The following GALNT14 variants were observed in gnomAD, a reference collection of about 807,000 sequenced individuals.
The protein encoded by GALNT14 is UDP-GalNAc:polypeptide N-acetylgalactosaminyltransferase 14.
GALNT14 carries 60 observed loss-of-function variants against 77.5 expected under a neutral mutation model. The observed-to-expected ratio is 0.77, with a 90% CI of 0.63 to 0.96. The LOEUF (loss-of-function observed/expected upper bound fraction) is 0.96. GALNT14 is among the 40% of genes least tolerant of loss of function. The pLI is 0.00. For missense variants in GALNT14, 710 were observed against 731.0 expected, an observed-to-expected ratio of 0.97 and a Z score of 0.33; for synonymous variants, 280 against 281.7, an observed-to-expected ratio of 0.99 and a Z score of 0.06.
At chr2:30,897,118 C>T in the GALNT14 span, among the ~76,000 whole-genome samples, 1 of 152,158 alleles carries the variant, frequency 6.6e-6, no homozygotes, top group African/African-American at 2.4e-5. Context: ...TTACCTGCCC[C>T]CCACTTTTTT....
chr2:30,960,640 C>T (rs942184180), intron 3 of GALNT14, among the ~76,000 whole-genome samples: 9 of 152,072 alleles, frequency 5.9e-5, no homozygotes, highest in Non-Finnish European at 1.2e-4. Flanking sequence ...GAGGTGGGCA[C>T]GTGCTCTGGG....
At chr2:31,076,012 A>C (rs1675757186) in intron 1 of GALNT14, among the ~76,000 whole-genome samples, 1 of 152,226 alleles carries the variant, frequency 6.6e-6, no homozygotes, top group African/African-American at 2.4e-5. Flanking sequence ...AGACTGAATG[A>C]ATCAACCTAT....
At chr2:31,021,661 A>T (rs934563753) in intron 1 of GALNT14, among the ~76,000 whole-genome samples, 2 of 152,186 alleles carry the variant, frequency 1.3e-5, no homozygotes, top group South Asian at 4.1e-4. Context: ...ATTTGCTTGC[A>T]TGCTCTCTAT....
At chr2:31,124,562 G>C (rs1678600418) in intron 1 of GALNT14, among the ~76,000 whole-genome samples, 2 of 152,180 alleles carry the variant, frequency 1.3e-5, no homozygotes. Context: ...ACCCTCCAGA[G>C]ATAATATTGC....
chr2:31,097,374 T>A (rs1310887183), intron 1 of GALNT14, among the ~76,000 whole-genome samples: 2 of 152,074 alleles, frequency 1.3e-5, no homozygotes, highest in African/African-American at 2.4e-5. Context: ...ATGTGCTTGC[T>A]CCATCCTGCA....
rs114288574 is a variant in GALNT14 at position 31,131,109 on chromosome 2, G to C, written c.129+6849C>G. 8.1e-3 allele frequency among the ~76,000 whole-genome samples: 1,231 copies of C among 152,282 alleles called. 17 individuals carry two copies. The highest frequency in any genetic ancestry group is 0.029 in the African/African-American group (1,190 of 41,546). ...AGTCAAGGAGACTGAGCCAGGAAGAGAGGAATCTCAGTCACCCCTGGCACT... is the reference window on the plus strand; with the variant it reads ...AGTCAAGGAGACTGAGCCAGGAAGACAGGAATCTCAGTCACCCCTGGCACT... On this transcript the variant is annotated intron_variant, in intron 1 of 14. Transcript: ENST00000349752.
intron 1 of GALNT14, among the ~76,000 whole-genome samples, chr2:31,100,970 G>A (rs1174181686): frequency 6.6e-6 from 1 of 151,992 alleles, no homozygotes; most frequent in Non-Finnish European, 1.5e-5. Context: ...TGTACTGAAA[G>A]TGAAAAACAG....
downstream of GALNT14, among the ~76,000 whole-genome samples, chr2:30,908,505 T>C (rs370058297): frequency 3.9e-3 from 565 of 144,380 alleles, 5 homozygotes; most frequent in South Asian, 0.024. Flanking sequence ...TTACAAGGGA[T>C]GTGAAGGACC....
At position 30,922,656 on chromosome 2, in the gene GALNT14, T is replaced by C. The variant is rs530064802; in HGVS notation, c.1380+1463A>G. 4.6e-5 allele frequency among the ~76,000 whole-genome samples: 7 copies of C among 152,370 alleles called. No individual in the cohort carries two copies. The South Asian group carries it at 1.4e-3, about 32-fold the overall frequency. The stretch of plus-strand genomic sequence containing the variant: ...TCCAAGTCCGGTTGGAAATCTTCCC[T>C]GAGCCTCACACCTAACTTGGATGCC... On this transcript the variant is annotated intron_variant, in intron 13 of 14. Coordinates refer to ENST00000349752, the MANE Select transcript of GALNT14 (RefSeq NM_024572.4).
intron 3 of GALNT14, among the ~76,000 whole-genome samples, chr2:30,965,384 A>G (rs941385225): frequency 1.0e-4 from 15 of 145,268 alleles, no homozygotes; most frequent in Non-Finnish European, 1.2e-4. Context: ...TGTCATTGCC[A>G]TCTGAGAGGT....
intron 1 of GALNT14, among the ~76,000 whole-genome samples, chr2:31,113,132 T>A (rs1392413809): frequency 6.6e-6 from 1 of 152,190 alleles, no homozygotes; most frequent in Non-Finnish European, 1.5e-5. Flanking sequence ...AATATTTGCT[T>A]GGAAGTTTCT....
chr2:30,923,939 A>G (rs778738531), intron 13 of GALNT14, among the ~76,000 whole-genome samples, 180 bp downstream of exon 13: 12 of 152,184 alleles, frequency 7.9e-5, no homozygotes, highest in Non-Finnish European at 1.5e-4. Flanking sequence ...TGCACTTGGA[A>G]AGCAAGCAGT....
intron 1 of GALNT14, among the ~76,000 whole-genome samples, chr2:31,121,560 T>C (rs1678415180): frequency 6.6e-6 from 1 of 152,182 alleles, no homozygotes; most frequent in Admixed American, 6.5e-5. Flanking sequence ...ACGGCTTTAT[T>C]TTTTAACTTT....
chr2:31,108,149 T>A (rs1677654694), intron 1 of GALNT14, among the ~76,000 whole-genome samples: 1 of 152,048 alleles, frequency 6.6e-6, no homozygotes, highest in Admixed American at 6.6e-5. Flanking sequence ...GCAGTGTAAT[T>A]CAGGAAATAC....
intron 1 of GALNT14, among the ~76,000 whole-genome samples, chr2:31,052,929 G>C (rs2148522788): frequency 6.6e-6 from 1 of 152,294 alleles, no homozygotes; most frequent in Admixed American, 6.5e-5. Flanking sequence ...TCCTTCAAAA[G>C]GAGGAGAGCC....
intron 1 of GALNT14, among the ~76,000 whole-genome samples, chr2:31,053,775 T>G (rs549189376): frequency 6.6e-6 from 1 of 152,312 alleles, no homozygotes; most frequent in South Asian, 2.1e-4. Context: ...TCGGCATCCA[T>G]GCTTTCTAAC....
At chr2:30,912,417 G>C in intron 13 of GALNT14, 75 bp from the exon 14 acceptor site, 1 of 1,543,248 alleles carries the variant, frequency 6.5e-7, no homozygotes, top group Non-Finnish European at 8.8e-7. Context: ...CCACACTTAC[G>C]GGTGTGATTA....
intron 1 of GALNT14, among the ~76,000 whole-genome samples, chr2:31,018,937 T>A (rs1458584618): frequency 6.6e-6 from 1 of 152,062 alleles, no homozygotes; most frequent in Non-Finnish European, 1.5e-5. Flanking sequence ...GACAAGAGAA[T>A]GAATGAGTGA....
chr2:30,955,747 C>A lies in GALNT14; in HGVS notation c.533-8G>T, dbSNP rs1163830300. ...TCCGGGACCGGACCAGACCTGCAGT[C>A]AGGAACAAATGACGAAGTGGGTGCC... On this transcript the variant is annotated splice_polypyrimidine_tract_variant and splice_region_variant and intron_variant, in intron 5 of 14. Transcript: ENST00000349752. The A allele has an allele frequency of 6.2e-7, 1 of 1,613,950 alleles. No homozygotes were observed. The highest frequency in any genetic ancestry group is 8.5e-7 in the Non-Finnish European group (1 of 1,179,962).
Sources: allele counts gnomAD v4.1 joint callset (sites outside exome capture counted in the v4.1 genomes callset), GRCh38; gene constraint gnomAD v4.1.1; transcripts MANE v1.5; gene names NCBI Gene and HGNC (gene_info 2026-07-23, HGNC 2026-07-21).